The following TMEM108 variants were observed in gnomAD, a reference collection of about 807,000 sequenced individuals.
TMEM108 encodes the protein transmembrane protein 108.
A neutral mutation model predicts 35.1 loss-of-function variants in TMEM108; 12 were observed. That is an observed-to-expected ratio of 0.34 (90% CI 0.22 to 0.55). TMEM108 has a LOEUF of 0.55. TMEM108 is among the 20% of genes least tolerant of loss of function. The pLI is 0.89. For missense variants in TMEM108, 680 were observed against 753.3 expected (o/e 0.90, Z 1.14); for synonymous variants, 287 against 308.6 (o/e 0.93, Z 0.73).
intron 3 of TMEM108, among the ~76,000 whole-genome samples, chr3:133,370,074 G>C (rs770489965): frequency 6.6e-6 from 1 of 151,086 alleles, no homozygotes; most frequent in Non-Finnish European, 1.5e-5. Context: ...TTATATTACT[G>C]TAGTGCATTT....
intron 3 of TMEM108, among the ~76,000 whole-genome samples, chr3:133,272,293 GTGTGTGTGTGTGTGTGTGTT>G (rs1478697618): frequency 6.6e-6 from 1 of 151,408 alleles, no homozygotes; most frequent in East Asian, 1.9e-4. Flanking sequence ...GTGTGTGTGT[GTGTGTGTGTGTGTGTGTGTT>G]TCCTAAAGGA....
chr3:133,301,229 A>G (rs1398295803), intron 3 of TMEM108, among the ~76,000 whole-genome samples: 5 of 152,142 alleles, frequency 3.3e-5, no homozygotes, highest in African/African-American at 1.2e-4. Context: ...TCTTCTTTCA[A>G]GATTTGCTCT....
At chr3:133,073,532 A>ATATATATC (rs1324857078) in intron 2 of TMEM108, among the ~76,000 whole-genome samples, 1 of 134,420 alleles carries the variant, frequency 7.4e-6, no homozygotes. Flanking sequence ...ATATATATAT[A>ATATATATC]TATCACATTT....
rs115728697 is a variant in TMEM108, at chr3:133,143,209, G to A, written c.-46-86057G>A. On this transcript the variant is annotated intron_variant, in intron 2 of 5. Transcript: ENST00000321871. ...TCTGCAGGGAGTTTACATTCCAGGG[G>A]TGAATTGAAAGGAAGCTCTGGGTTT... Among the ~76,000 whole-genome samples the A allele has an allele frequency of 7.2e-3, 1,096 of 152,240 alleles. 14 individuals carry two copies. Among genetic ancestry groups the A allele is most frequent in the African/African-American group, 0.025 (1,044 of 41,532 alleles).
chr3:133,062,906 A>G lies in TMEM108; in HGVS notation c.-47+16886A>G, dbSNP rs140285636. On this transcript the variant is annotated intron_variant, in intron 2 of 5. Coordinates refer to ENST00000321871, the MANE Select transcript of TMEM108 (RefSeq NM_023943.4). Reference sequence around the variant, plus strand: ...ATGTTTTTGCCGAGTGAGCAGGTCCACACTAGAGTGGGGATAGAGTTCAGC... The same window carrying G: ...ATGTTTTTGCCGAGTGAGCAGGTCCGCACTAGAGTGGGGATAGAGTTCAGC... 2.3e-3 allele frequency among the ~76,000 whole-genome samples: 357 copies of G among 152,314 alleles called. 2 individuals are homozygous for G. The highest frequency in any genetic ancestry group is 8.2e-3 in the African/African-American group (339 of 41,558).
Position 133,229,264 on chromosome 3 carries a change from A to G in TMEM108, c.-46-2A>G, listed in dbSNP as rs1455762414. 3.1e-6 allele frequency: 5 copies of G among 1,589,038 alleles called. No homozygotes were observed. The Admixed American group carries it at 8.7e-5, about 28-fold the overall frequency. On this transcript the variant is annotated splice_acceptor_variant, in intron 2 of 5. Coordinates refer to ENST00000321871, the MANE Select transcript of TMEM108 (RefSeq NM_023943.4). LOFTEE classifies it low-confidence loss of function (5UTR_SPLICE). ...AACAATTTTCTTCTCCCAATTTCCT[A>G]GACAGAATCATGAATAAACTGGAGG...
intron 3 of TMEM108, among the ~76,000 whole-genome samples, chr3:133,273,815 A>T (rs1447505836): frequency 6.6e-6 from 1 of 152,218 alleles, no homozygotes; most frequent in Non-Finnish European, 1.5e-5. Context: ...TGAAGAGAAT[A>T]GAGGAGAGGA....
chr3:133,279,007 G>C (rs1946874942), intron 3 of TMEM108, among the ~76,000 whole-genome samples: 1 of 152,202 alleles, frequency 6.6e-6, no homozygotes. Flanking sequence ...TGATTCTTGA[G>C]GTGGCGCCTT....
At chr3:133,076,948 A>G (rs1478046091) in intron 2 of TMEM108, among the ~76,000 whole-genome samples, 1 of 152,254 alleles carries the variant, frequency 6.6e-6, no homozygotes, top group African/African-American at 2.4e-5. Context: ...TTCAGTTACC[A>G]CATCAAAGCC....
At chr3:133,232,200 G>A (rs1172240706) in intron 3 of TMEM108, among the ~76,000 whole-genome samples, 1 of 152,180 alleles carries the variant, frequency 6.6e-6, no homozygotes, top group East Asian at 1.9e-4. Flanking sequence ...CGTTTTGGAG[G>A]TAGGGCTAAA....
At chr3:133,256,776 T>C (rs758257285) in intron 3 of TMEM108, among the ~76,000 whole-genome samples, 24 of 152,086 alleles carry the variant, frequency 1.6e-4, no homozygotes, top group Non-Finnish European at 2.9e-4. Flanking sequence ...TCTGGATAAG[T>C]AGGACAAGGC....
At chr3:133,222,918 G>A (rs1460470883) in intron 2 of TMEM108, among the ~76,000 whole-genome samples, 1 of 151,754 alleles carries the variant, frequency 6.6e-6, no homozygotes, top group Admixed American at 6.6e-5. Context: ...CTTCCCAGAC[G>A]CAAGCAATAC....
chr3:133,237,875 C>G (rs1268135080), intron 3 of TMEM108, among the ~76,000 whole-genome samples: 1 of 152,092 alleles, frequency 6.6e-6, no homozygotes. Context: ...TGTTTTACAG[C>G]TTTAACTTTT....
intron 3 of TMEM108, among the ~76,000 whole-genome samples, chr3:133,365,638 G>T (rs2072481959): frequency 6.6e-6 from 1 of 152,196 alleles, no homozygotes; most frequent in Non-Finnish European, 1.5e-5. Context: ...AAGTTGGGTT[G>T]TGGTGCTCTG....
At chr3:133,200,337 C>T (rs1945644559) in intron 2 of TMEM108, among the ~76,000 whole-genome samples, 1 of 152,138 alleles carries the variant, frequency 6.6e-6, no homozygotes, top group Non-Finnish European at 1.5e-5. Context: ...AAATGCGGAA[C>T]ATGGGATTGG....
chr3:133,122,817 C>A (rs1051127951), intron 2 of TMEM108, among the ~76,000 whole-genome samples: 2 of 145,016 alleles, frequency 1.4e-5, no homozygotes, highest in African/African-American at 2.5e-5. Context: ...GAGCTGAGAT[C>A]ACGCCACTGT....
At chr3:133,289,330 C>T (rs552292227) in intron 3 of TMEM108, among the ~76,000 whole-genome samples, 1 of 152,304 alleles carries the variant, frequency 6.6e-6, no homozygotes, top group South Asian at 2.1e-4. Context: ...CAAGTTCACA[C>T]AATTTCAGAG....
intron 3 of TMEM108, among the ~76,000 whole-genome samples, chr3:133,325,437 C>G (rs572770786): frequency 1.3e-5 from 2 of 152,288 alleles, no homozygotes; most frequent in East Asian, 3.9e-4. Flanking sequence ...TCCATGCAAC[C>G]AAACACCATC....
intron 2 of TMEM108, among the ~76,000 whole-genome samples, chr3:133,187,345 GAGA>G (rs921770854): frequency 1.4e-4 from 21 of 152,164 alleles, no homozygotes; most frequent in African/African-American, 5.1e-4. Context: ...TAGAAACCAT[GAGA>G]AGTTCTGTAA....
Sources: gnomAD v4.1 joint callset for allele counts (sites outside exome capture counted in the v4.1 genomes callset) on GRCh38, gnomAD v4.1.1 for gene constraint, MANE v1.5 for transcripts, NCBI Gene and HGNC (gene_info 2026-07-23, HGNC 2026-07-21) for gene names.